SLIT2: variants seen among roughly 807,000 people sequenced by gnomAD.
SLIT2 encodes the protein slit homolog 2 protein.
In SLIT2, 41 loss-of-function variants were observed where a neutral mutation model predicts 185.7. The observed-to-expected ratio is 0.22, with a 90% CI of 0.17 to 0.29. The LOEUF is 0.29. Among genes scored for constraint, SLIT2 ranks in the 10% least tolerant of loss-of-function variants. The probability of loss-of-function intolerance (pLI) is 1.00; values close to 1 mark genes in which losing one functional copy is unlikely to be tolerated. For missense variants in SLIT2, 1,571 were observed against 1,909.0 expected, an observed-to-expected ratio of 0.82 and a Z score of 3.30; for synonymous variants, 693 against 680.2, an observed-to-expected ratio of 1.02 and a Z score of -0.29.
At chr4:20,320,783 T>TAAA (rs774929533) in intron 4 of SLIT2, among the ~76,000 whole-genome samples, 1 of 152,314 alleles carries the variant, frequency 6.6e-6, no homozygotes. Context: ...CTCCAACTTC[T>TAAA]ATCTCAAGCT....
At chr4:20,289,281 C>T (rs1345754320) in intron 4 of SLIT2, among the ~76,000 whole-genome samples, 2 of 152,090 alleles carry the variant, frequency 1.3e-5, no homozygotes, top group African/African-American at 2.4e-5. Context: ...CTCATTTCCT[C>T]ATAGAGGGAT....
At chr4:20,606,776 T>A (rs1440860558) in intron 33 of SLIT2, among the ~76,000 whole-genome samples, 1 of 152,220 alleles carries the variant, frequency 6.6e-6, no homozygotes, top group Non-Finnish European at 1.5e-5. Context: ...AGATCATTAC[T>A]TTTATTAACA....
chr4:20,320,197 C>T (rs1383637452), intron 4 of SLIT2, among the ~76,000 whole-genome samples: 2 of 152,146 alleles, frequency 1.3e-5, no homozygotes, highest in African/African-American at 4.8e-5. Flanking sequence ...TGTATGTGTC[C>T]TGGATATTGT....
rs552327607 is a variant in SLIT2, at chr4:20,528,091, A to G, written c.1463-858A>G. On this transcript the variant is annotated intron_variant, in intron 15 of 36. Transcript: ENST00000504154. This position sits in a 1 kb window ranked among gnomAD's most constrained non-coding sequence, Gnocchi z 4.2. Reference sequence around the variant, plus strand: ...GAGGAATGGTGGAGGCACCTTTTCCATATAGCCCCTTCTTTGTGTTTCCAG... The same window carrying G: ...GAGGAATGGTGGAGGCACCTTTTCCGTATAGCCCCTTCTTTGTGTTTCCAG... Among the ~76,000 whole-genome samples the G allele has an allele frequency of 6.6e-5, 10 of 152,232 alleles. No individual in the cohort carries two copies. In the South Asian group the frequency reaches 1.9e-3, roughly 28 times the overall value.
chr4:20,438,875 G>A (rs546018642), intron 4 of SLIT2, among the ~76,000 whole-genome samples: 4 of 152,250 alleles, frequency 2.6e-5, no homozygotes, highest in South Asian at 2.1e-4. Context: ...TGTCATCACT[G>A]CTGACAAGTC....
intron 4 of SLIT2, among the ~76,000 whole-genome samples, chr4:20,317,216 C>T (rs959461998): frequency 4.0e-5 from 6 of 151,350 alleles, no homozygotes; most frequent in Non-Finnish European, 5.9e-5. Context: ...CTGTTTGTTA[C>T]GCAGTATTAA....
At chr4:20,471,803 G>A (rs906998782) in intron 5 of SLIT2, among the ~76,000 whole-genome samples, 2 of 152,146 alleles carry the variant, frequency 1.3e-5, no homozygotes, top group East Asian at 1.9e-4. Context: ...CCTTCCTCCA[G>A]GCAAGCCACA....
rs1560453735 is a variant in SLIT2 at position 20,472,386 on chromosome 4, G to GAGATATAGATATCTATATCTATATATA, written c.467+4563_467+4564insAGATATAGATATCTATATCTATATATA. ...TATAGATATCTATATCTATATATAT[G>GAGATATAGATATCTATATCTATATATA]TAGATATATAGATATAGATATCTAT... On this transcript the variant is annotated intron_variant, in intron 5 of 36. Transcript: ENST00000504154. 5.7e-4 allele frequency among the ~76,000 whole-genome samples: 22 copies of GAGATATAGATATCTATATCTATATATA among 38,382 alleles called. 1 individual carries two copies. Among genetic ancestry groups the GAGATATAGATATCTATATCTATATATA allele is most frequent in the African/African-American group, 1.3e-3 (9 of 7,012 alleles). The allele number at this position is 38,382 out of a possible 152,430, so 25.2% of individuals were successfully genotyped here. A position where few individuals can be genotyped will look rare whatever the true frequency, so the allele number is the denominator to read the frequency against.
At chr4:20,526,130 G>A (rs532800982) in intron 15 of SLIT2, among the ~76,000 whole-genome samples, 3 of 152,198 alleles carry the variant, frequency 2.0e-5, no homozygotes, top group South Asian at 2.1e-4. Context: ...TTTCTACAGC[G>A]TTAGTGTACA....
At chr4:20,413,899 A>G (rs1727453212) in intron 4 of SLIT2, among the ~76,000 whole-genome samples, 1 of 151,788 alleles carries the variant, frequency 6.6e-6, no homozygotes, top group African/African-American at 2.4e-5. Context: ...TCATTATTTA[A>G]TTCATGTACT....
chr4:20,417,956 ACTAT>A (rs1339845121), intron 4 of SLIT2, among the ~76,000 whole-genome samples: 2 of 152,160 alleles, frequency 1.3e-5, no homozygotes, highest in Non-Finnish European at 2.9e-5. Flanking sequence ...GTAGCCCATA[ACTAT>A]CTTTCACCTT....
In SLIT2 at chr4:20,565,055, A is replaced by G. The variant is rs532568244; in HGVS notation, c.2726-2207A>G. Among the ~76,000 whole-genome samples the G allele has an allele frequency of 7.1e-4, 108 of 152,090 alleles. 2 individuals carry two copies. In the South Asian group the frequency reaches 0.022, roughly 31 times the overall value. On this transcript the variant is annotated intron_variant, in intron 26 of 36. Coordinates refer to ENST00000504154, the MANE Select transcript of SLIT2 (RefSeq NM_004787.4). ...TACTCGATTAAATTCTTCAAAGTGT[A>G]TTCCATTTTCTTCCCTAAGACAATC... is the stretch of plus-strand genomic sequence containing the variant.
At chr4:20,321,222 A>C (rs1003728427) in intron 4 of SLIT2, among the ~76,000 whole-genome samples, 10 of 152,308 alleles carry the variant, frequency 6.6e-5, no homozygotes, top group African/African-American at 2.4e-4. Flanking sequence ...GTTTCTGTTA[A>C]TGATCCCAAA....
chr4:20,515,797 C>T (rs952460364), intron 11 of SLIT2, among the ~76,000 whole-genome samples: 6 of 151,870 alleles, frequency 4.0e-5, no homozygotes, highest in Non-Finnish European at 8.8e-5. Context: ...TTTTTTTTCT[C>T]TTCAGTAGGA....
intron 5 of SLIT2, among the ~76,000 whole-genome samples, chr4:20,476,768 A>G (rs1479867205): frequency 6.6e-6 from 1 of 152,188 alleles, no homozygotes; most frequent in Admixed American, 6.5e-5. Context: ...TGTGATATCC[A>G]TATTTTAAAA....
intron 26 of SLIT2, among the ~76,000 whole-genome samples, chr4:20,560,972 A>G (rs1208505983): frequency 6.6e-6 from 1 of 151,906 alleles, no homozygotes; most frequent in African/African-American, 2.4e-5. Flanking sequence ...ATTCTAAAAA[A>G]TGGTATGGAA....
At chr4:20,584,335 G>T (rs1325742939) in intron 29 of SLIT2, among the ~76,000 whole-genome samples, 3 of 152,144 alleles carry the variant, frequency 2.0e-5, no homozygotes, top group Non-Finnish European at 4.4e-5. Context: ...ACTTCCTGAG[G>T]TCTCTTTATG....
chr4:20,295,030 G>A (rs1716325961), intron 4 of SLIT2, among the ~76,000 whole-genome samples: 1 of 152,286 alleles, frequency 6.6e-6, no homozygotes, highest in East Asian at 1.9e-4. Context: ...AGACTAGTTA[G>A]CTCAAAAAGA....
intron 33 of SLIT2, among the ~76,000 whole-genome samples, chr4:20,600,114 A>G (rs1386190559): frequency 6.6e-6 from 1 of 152,186 alleles, no homozygotes; most frequent in Non-Finnish European, 1.5e-5. Context: ...GTTTCAGCCC[A>G]TAAAAAGATT....
Sources: allele counts gnomAD v4.1 joint callset (sites outside exome capture counted in the v4.1 genomes callset), GRCh38; gene constraint gnomAD v4.1.1; non-coding constraint Gnocchi (gnomAD v3.1); transcripts MANE v1.5; gene names NCBI Gene and HGNC (gene_info 2026-07-23, HGNC 2026-07-21).